TSHR: variants seen among roughly 807,000 people sequenced by gnomAD.
The protein encoded by TSHR is thyroid stimulating hormone receptor.
Under a neutral mutation model 64.1 loss-of-function variants are expected in TSHR, and 51 were observed. That is an observed-to-expected ratio of 0.80 (90% CI 0.64 to 1.01). The LOEUF is 1.01. TSHR is among the 50% of genes least tolerant of loss of function. TSHR has a pLI of 0.00. For missense variants in TSHR, 877 were observed against 942.8 expected, an observed-to-expected ratio of 0.93 and a Z score of 0.91; for synonymous variants, 361 against 361.9, an observed-to-expected ratio of 1.00 and a Z score of 0.03.
chr14:81,090,313 C>T (rs761014263), intron 4 of TSHR, among the ~76,000 whole-genome samples: 3 of 152,116 alleles, frequency 2.0e-5, no homozygotes, highest in African/African-American at 4.8e-5. Flanking sequence ...GGCATGATCT[C>T]GGCTCACTGC....
chr14:81,016,773 T>C (rs73349970), intron 1 of TSHR, among the ~76,000 whole-genome samples: 16,558 of 152,250 alleles, frequency 0.11, 2,944 homozygotes, highest in African/African-American at 0.37. Flanking sequence ...TGAGGACTTA[T>C]GTTTGGATTT....
intron 1 of TSHR, among the ~76,000 whole-genome samples, chr14:80,990,843 C>T (rs1403767408): frequency 1.3e-5 from 2 of 152,078 alleles, no homozygotes; most frequent in East Asian, 1.9e-4. Flanking sequence ...TTAGTAGAGA[C>T]GGGGTTTCAC....
rs140049055 is a variant in TSHR, at chr14:81,084,026, C to T, written c.318-3928C>T. 3.7e-3 allele frequency among the ~76,000 whole-genome samples: 569 copies of T among 152,280 alleles called. 3 individuals carry two copies. The highest frequency in any genetic ancestry group is 0.013 in the African/African-American group (525 of 41,564). Reference sequence around the variant, plus strand: ...CTCCCGCGAGGTCCCTCCCCCAACACGTGGGGATTACAATTTGGATTACAA... The same window carrying T: ...CTCCCGCGAGGTCCCTCCCCCAACATGTGGGGATTACAATTTGGATTACAA... On this transcript the variant is annotated intron_variant, in intron 3 of 9. Coordinates refer to ENST00000298171, the MANE Select transcript of TSHR (RefSeq NM_000369.5).
chr14:81,088,469 T>C (rs867732000), intron 4 of TSHR, among the ~76,000 whole-genome samples: 4 of 152,046 alleles, frequency 2.6e-5, no homozygotes, highest in Non-Finnish European at 4.4e-5. Flanking sequence ...AGTTTCAACC[T>C]CCCACTCCAG....
intron 8 of TSHR, among the ~76,000 whole-genome samples, chr14:81,109,918 A>G (rs899602900): frequency 3.3e-5 from 5 of 152,218 alleles, no homozygotes; most frequent in African/African-American, 1.2e-4. Flanking sequence ...CCTGTCAGTA[A>G]TTTTTAACCT....
chr14:81,064,388 A>AG (rs1415701191), intron 2 of TSHR, among the ~76,000 whole-genome samples: 1 of 152,072 alleles, frequency 6.6e-6, no homozygotes, highest in Non-Finnish European at 1.5e-5. Context: ...TTTGCTGTGG[A>AG]GGGTCAGGGG....
At chr14:81,022,619 G>A (rs1205177924) in intron 1 of TSHR, among the ~76,000 whole-genome samples, 1 of 151,698 alleles carries the variant, frequency 6.6e-6, no homozygotes, top group Non-Finnish European at 1.5e-5. Flanking sequence ...TCAGGAGATC[G>A]AGACCATCCT....
intron 1 of TSHR, among the ~76,000 whole-genome samples, chr14:81,060,947 T>A (rs932537301): frequency 6.6e-6 from 1 of 152,264 alleles, no homozygotes; most frequent in Non-Finnish European, 1.5e-5. Context: ...CTGGAATGCA[T>A]GAAGGTGTTT....
intron 6 of TSHR, 125 bp from the exon 7 acceptor site, chr14:81,096,514 T>C: frequency 1.1e-6 from 1 of 882,610 alleles, no homozygotes; most frequent in Non-Finnish European, 1.8e-6. Flanking sequence ...GTGGGATACA[T>C]ATGTGGGACC....
intron 1 of TSHR, among the ~76,000 whole-genome samples, chr14:80,970,606 G>A (rs1463123438): frequency 1.3e-5 from 2 of 152,316 alleles, no homozygotes; most frequent in South Asian, 2.1e-4. Flanking sequence ...GCTGGGCTGG[G>A]CTGTATGGCC....
At position 81,062,203 on chromosome 14, in the gene TSHR, C is replaced by A; in HGVS notation, c.226C>A (p.Pro76Thr). 6.2e-7 allele frequency: 1 copy of A among 1,610,876 alleles called. No homozygotes were observed. The highest frequency in any genetic ancestry group is 8.5e-7 in the Non-Finnish European group (1 of 1,178,186). The stretch of plus-strand genomic sequence containing the variant: ...TCCAAGTCATGCATTTTCTAATCTG[C>A]CCAATATTTCCAGAATGTAAGTTTT... ...TIPSHAFSNLPNISRIYVSID... is the reference protein window; with the variant it reads ...TIPSHAFSNLTNISRIYVSID... Residue 76 changes from proline to threonine, a missense_variant, in exon 2 of 10, where the codon CCC (proline) becomes ACC (threonine). Physicochemically the swap from Pro to Thr is conservative, Grantham distance 38. Coordinates refer to ENST00000298171, the MANE Select transcript of TSHR (RefSeq NM_000369.5).
chr14:81,110,434 C>T (rs1890177299), intron 8 of TSHR, among the ~76,000 whole-genome samples: 1 of 152,186 alleles, frequency 6.6e-6, no homozygotes, highest in African/African-American at 2.4e-5. Flanking sequence ...AAGAAGGTGG[C>T]CATCTGCAAG....
In TSHR at chr14:81,031,636, G is replaced by A. The variant is rs17628249; in HGVS notation, c.171-30512G>A. Among the ~76,000 whole-genome samples, 18 of 151,930 alleles carry A rather than the reference G, an allele frequency of 1.2e-4. 1 individual carries two copies. The East Asian group carries it at 2.1e-3, about 18-fold the overall frequency. On this transcript the variant is annotated intron_variant, in intron 1 of 9. Coordinates refer to ENST00000298171, the MANE Select transcript of TSHR (RefSeq NM_000369.5). Reference sequence around the variant, plus strand: ...TGTGCAAACTAGCTTAGCAACCTGCGCCCAGGAGAGTAACCACAGAGGCAG... The same window carrying A: ...TGTGCAAACTAGCTTAGCAACCTGCACCCAGGAGAGTAACCACAGAGGCAG...
chr14:81,005,886 T>C (rs775770932), intron 1 of TSHR, among the ~76,000 whole-genome samples: 4 of 152,220 alleles, frequency 2.6e-5, no homozygotes. Flanking sequence ...TTTGATTAAA[T>C]TGCTTTTGCA....
At chr14:80,988,061 C>G (rs187808881) in intron 1 of TSHR, among the ~76,000 whole-genome samples, 2 of 152,196 alleles carry the variant, frequency 1.3e-5, no homozygotes, top group Non-Finnish European at 2.9e-5. Flanking sequence ...AAGTAGAGGT[C>G]TCTTTTGACC....
intron 1 of TSHR, among the ~76,000 whole-genome samples, chr14:81,055,595 C>G (rs949200292): frequency 2.6e-5 from 4 of 152,184 alleles, no homozygotes; most frequent in African/African-American, 7.2e-5. Context: ...CATGGGAACT[C>G]AACCCTTGCA....
chr14:81,087,530 C>T (rs1002256403), intron 3 of TSHR: 5 of 267,616 alleles, frequency 1.9e-5, no homozygotes, highest in East Asian at 2.0e-4. Flanking sequence ...TGCTGTCGTT[C>T]ATCATAAAAT....
intron 1 of TSHR, among the ~76,000 whole-genome samples, chr14:81,026,872 C>A (rs1380638901): frequency 6.6e-6 from 1 of 151,916 alleles, no homozygotes; most frequent in Non-Finnish European, 1.5e-5. Context: ...CTCGTCTCTA[C>A]TAAAAATACA....
chr14:81,048,098 A>G (rs533320722), intron 1 of TSHR, among the ~76,000 whole-genome samples: 17 of 152,250 alleles, frequency 1.1e-4, no homozygotes, highest in African/African-American at 3.6e-4. Context: ...CTTTCTCTTC[A>G]TAACAATAAA....
Sources: gnomAD v4.1 joint callset for allele counts (sites outside exome capture counted in the v4.1 genomes callset) on GRCh38, gnomAD v4.1.1 for gene constraint, MANE v1.5 for transcripts, NCBI Gene and HGNC (gene_info 2026-07-23, HGNC 2026-07-21) for gene names.